The following ARSB variants were observed in gnomAD, a reference collection of about 807,000 sequenced individuals.
The protein encoded by ARSB is arylsulfatase B, also known as N-acetylgalactosamine-4-sulfatase.
ARSB carries 41 observed loss-of-function variants against 50.9 expected under a neutral mutation model. The ratio of observed to expected loss-of-function variants is 0.81; its 90% CI spans 0.63 to 1.04. The LOEUF (loss-of-function observed/expected upper bound fraction) is 1.04. Among genes scored for constraint, ARSB ranks in the 50% least tolerant of loss-of-function variants. The pLI is 0.00. For missense variants in ARSB, 672 were observed against 693.3 expected, an observed-to-expected ratio of 0.97 and a Z score of 0.35; for synonymous variants, 269 against 284.8, an observed-to-expected ratio of 0.94 and a Z score of 0.56.
intron 1 of ARSB, among the ~76,000 whole-genome samples, chr5:78,975,592 C>T (rs962165094): frequency 9.2e-5 from 14 of 152,166 alleles, no homozygotes. Flanking sequence ...AGGACATTCC[C>T]AGTTGAGGAC....
chr5:78,835,979 A>C (rs747915904), intron 6 of ARSB, among the ~76,000 whole-genome samples: 24 of 152,160 alleles, frequency 1.6e-4, no homozygotes, highest in Non-Finnish European at 2.8e-4. Flanking sequence ...TTTACACCCG[A>C]GATTGGCTAC....
chr5:78,936,129 CTT>C (rs56884992), intron 4 of ARSB, among the ~76,000 whole-genome samples: 10 of 88,940 alleles, frequency 1.1e-4, no homozygotes, highest in Middle Eastern at 5.3e-3. Context: ...CTCTCTCTCT[CTT>C]TTTTTTTTTT....
intron 1 of ARSB, among the ~76,000 whole-genome samples, chr5:78,970,537 C>G (rs1692494118): frequency 6.6e-6 from 1 of 151,994 alleles, no homozygotes; most frequent in African/African-American, 2.4e-5. Flanking sequence ...AGTGCAAAAC[C>G]CTAAGACCAA....
At position 78,782,119 on chromosome 5, in the gene ARSB, T is replaced by C. The variant is rs1748944381; in HGVS notation, c.1214-145A>G. ...TCTTGCCACAGAAATGAATCTTTTA[T>C]TAAATCCAAACAGAAAGCTATAGTT... is the stretch of plus-strand genomic sequence containing the variant. On this transcript the variant is annotated intron_variant, in intron 6 of 7. Coordinates refer to ENST00000264914, the MANE Select transcript of ARSB (RefSeq NM_000046.5). 3 of 1,055,360 alleles carry C rather than the reference T, an allele frequency of 2.8e-6. No homozygotes were observed. The African/African-American group carries it at 4.8e-5, about 17-fold the overall frequency. 65.4% of individuals were successfully genotyped at this position (1,055,360 alleles called of 1,614,324 possible).
chr5:78,939,151 C>A (rs1454849574), intron 4 of ARSB, among the ~76,000 whole-genome samples: 2 of 152,154 alleles, frequency 1.3e-5, no homozygotes, highest in Non-Finnish European at 2.9e-5. Context: ...TGTATCCATG[C>A]CATGGGGAGA....
chr5:78,857,325 T>C (rs970172952), intron 5 of ARSB, among the ~76,000 whole-genome samples: 2 of 152,196 alleles, frequency 1.3e-5, no homozygotes, highest in Admixed American at 6.5e-5. Flanking sequence ...GTCTACTCAT[T>C]ATAGACTGTA....
intron 4 of ARSB, among the ~76,000 whole-genome samples, chr5:78,924,394 C>G (rs770263484): frequency 4.6e-5 from 7 of 152,190 alleles, no homozygotes; most frequent in Non-Finnish European, 1.0e-4. Context: ...GCTACACAGT[C>G]TCTCCAAGAT....
At chr5:78,928,298 G>C (rs337891) in intron 4 of ARSB, among the ~76,000 whole-genome samples, 9 of 132,408 alleles carry the variant, frequency 6.8e-5, no homozygotes, top group East Asian at 2.3e-4. Flanking sequence ...ATTGCCATTT[G>C]CTTTTGCTTT....
Position 78,780,325 on chromosome 5 carries a change from T to C in ARSB, c.*72A>G. 5.0e-6 allele frequency: 8 copies of C among 1,604,046 alleles called. No homozygotes were observed. The East Asian group carries it at 6.7e-5, about 13-fold the overall frequency. ...AGTGAACCCAGGTTGGGATAACAAATGAGACAAGAGTCGTGAGAAAAGGCC... is the reference window on the plus strand; with the variant it reads ...AGTGAACCCAGGTTGGGATAACAAACGAGACAAGAGTCGTGAGAAAAGGCC... On this transcript the variant is annotated 3_prime_UTR_variant, in exon 8 of 8. Transcript: ENST00000264914.
At chr5:78,906,318 G>A (rs940072778) in intron 4 of ARSB, among the ~76,000 whole-genome samples, 4 of 152,060 alleles carry the variant, frequency 2.6e-5, no homozygotes, top group Admixed American at 6.6e-5. Context: ...GGGCAACAGC[G>A]TGAGACTCAA....
intron 3 of ARSB, among the ~76,000 whole-genome samples, chr5:78,958,691 T>C (rs948340339): frequency 2.6e-5 from 4 of 152,202 alleles, no homozygotes; most frequent in Admixed American, 1.3e-4. Flanking sequence ...TCTTAGATTA[T>C]AGAGTAACTC....
intron 4 of ARSB, among the ~76,000 whole-genome samples, chr5:78,889,819 C>T (rs1475244674): frequency 6.6e-6 from 1 of 152,156 alleles, no homozygotes; most frequent in Non-Finnish European, 1.5e-5. Flanking sequence ...TGTGGCTTGG[C>T]CGTGGAGGGC....
At chr5:78,980,113 A>C (rs554805984) in intron 1 of ARSB, among the ~76,000 whole-genome samples, 1 of 152,340 alleles carries the variant, frequency 6.6e-6, no homozygotes, top group South Asian at 2.1e-4. Flanking sequence ...ATGAAGAGTG[A>C]CTGCTAATAG....
chr5:78,900,151 T>C (rs1204210550), intron 4 of ARSB, among the ~76,000 whole-genome samples: 2 of 152,038 alleles, frequency 1.3e-5, no homozygotes, highest in Non-Finnish European at 2.9e-5. Flanking sequence ...GTCAGCAGTG[T>C]GGGAAGACTG....
chr5:78,940,217 A>C (rs1237122339), intron 4 of ARSB, among the ~76,000 whole-genome samples: 7 of 152,048 alleles, frequency 4.6e-5, no homozygotes, highest in South Asian at 2.1e-4. Flanking sequence ...AAAATTTTCT[A>C]CCATTCTGAA....
At chr5:78,930,740 A>G (rs1750285677) in intron 4 of ARSB, among the ~76,000 whole-genome samples, 1 of 152,270 alleles carries the variant, frequency 6.6e-6, no homozygotes, top group Non-Finnish European at 1.5e-5. Context: ...CCTAACTGCC[A>G]AAGACAGCAA....
intron 1 of ARSB, among the ~76,000 whole-genome samples, chr5:78,971,970 G>A (rs1400140927): frequency 6.6e-6 from 1 of 152,206 alleles, no homozygotes; most frequent in East Asian, 1.9e-4. Context: ...GAAATAATTA[G>A]ACACCTATCT....
intron 4 of ARSB, among the ~76,000 whole-genome samples, chr5:78,947,428 T>C (rs1751289799): frequency 6.6e-6 from 1 of 151,908 alleles, no homozygotes; most frequent in African/African-American, 2.4e-5. Flanking sequence ...CAAACAACTC[T>C]ATGGGGAAAA....
At chr5:78,821,502 T>C (rs1196510020) in intron 6 of ARSB, among the ~76,000 whole-genome samples, 1 of 152,230 alleles carries the variant, frequency 6.6e-6, no homozygotes, top group Non-Finnish European at 1.5e-5. Flanking sequence ...TATTTGGTGT[T>C]AAAATTAGTA....
Sources: allele counts gnomAD v4.1 joint callset (sites outside exome capture counted in the v4.1 genomes callset), GRCh38; gene constraint gnomAD v4.1.1; transcripts MANE v1.5; gene names NCBI Gene and HGNC (gene_info 2026-07-23, HGNC 2026-07-21).